Variants in OPHN1 observed in about 807,000 individuals in gnomAD.
The protein encoded by OPHN1 is oligophrenin 1, also known as oligophrenin-1.
In OPHN1, 11 loss-of-function variants were observed where a neutral mutation model predicts 60.7. That is an observed-to-expected ratio of 0.18 (90% confidence interval 0.11 to 0.30). The LOEUF (loss-of-function observed/expected upper bound fraction) is 0.30, where lower values mean the gene tolerates loss of function less well. OPHN1 is among the 10% of genes least tolerant of loss of function. The probability of loss-of-function intolerance (pLI) is 1.00; values close to 1 mark genes in which losing one functional copy is unlikely to be tolerated. For synonymous variants in OPHN1, 226 were observed against 222.6 expected (o/e 1.02, Z -0.14); for missense variants, 449 against 611.0 (o/e 0.73, Z 2.80).
chrX:68,393,888 T>TG (rs2078667580), intron 2 of OPHN1, among the ~76,000 whole-genome samples: 2 of 58,728 alleles, frequency 3.4e-5, no homozygotes, highest in Non-Finnish European at 6.3e-5. Context: ...AGACTTTGTT[T>TG]TTTTTTTTTT....
intron 2 of OPHN1, among the ~76,000 whole-genome samples, chrX:68,378,899 T>C (rs1183726558): frequency 9.0e-6 from 1 of 111,723 alleles, no homozygotes; most frequent in Non-Finnish European, 1.9e-5. Context: ...TTGCTTAGGA[T>C]TGACTTGGCA....
chrX:68,047,635 G>A (rs2076836747), intron 24 of OPHN1, among the ~76,000 whole-genome samples: 1 of 111,329 alleles, frequency 9.0e-6, no homozygotes, highest in African/African-American at 3.3e-5. Context: ...CCAGATACTT[G>A]GATCTCATTT....
rs1438233253 is a variant in OPHN1, at chrX:68,053,634, A to G, written c.2324+11T>C. The G allele has an allele frequency of 5.0e-6, 6 of 1,208,266 alleles. No homozygotes were observed. Among genetic ancestry groups the G allele is most frequent in the South Asian group, 3.5e-5 (2 of 56,537 alleles). On this transcript the variant is annotated intron_variant, in intron 22 of 24. Transcript: ENST00000355520. ...GGACTTCAGTCAACTTTGAGGTACA[A>G]CCCTACTTACACAGATGATGTGATT... is the stretch of plus-strand genomic sequence containing the variant.
intron 2 of OPHN1, among the ~76,000 whole-genome samples, chrX:68,378,129 G>A (rs1602367712): frequency 8.9e-6 from 1 of 112,039 alleles, no homozygotes; most frequent in African/African-American, 3.2e-5. Context: ...CATTCTAACT[G>A]GTGTGAGATG....
chrX:68,320,929 G>A (rs1259616130), intron 2 of OPHN1, among the ~76,000 whole-genome samples: 5 of 111,911 alleles, frequency 4.5e-5, no homozygotes, highest in Non-Finnish European at 7.5e-5. Context: ...AAAGGATACA[G>A]GTGAAGAGAT....
chrX:68,306,013 A>G (rs2078143403), intron 2 of OPHN1, among the ~76,000 whole-genome samples: 1 of 112,192 alleles, frequency 8.9e-6, no homozygotes. Flanking sequence ...AAAACAATGG[A>G]AATAATTTTG....
chrX:68,116,824 C>G (rs1037334520), intron 16 of OPHN1, among the ~76,000 whole-genome samples: 2 of 111,183 alleles, frequency 1.8e-5, no homozygotes, highest in Admixed American at 1.9e-4. Context: ...CTCCCTATCC[C>G]TAATCCTCAT....
chrX:68,044,118 C>G lies in OPHN1; in HGVS notation c.*3054G>C, dbSNP rs1029949360. ...AGAAAGCCTAACTCAGGAATATCTTCCAGCCCAGTTTGCATTTCCATATAA... is the reference window on the plus strand; with the variant it reads ...AGAAAGCCTAACTCAGGAATATCTTGCAGCCCAGTTTGCATTTCCATATAA... On this transcript the variant is annotated 3_prime_UTR_variant, in exon 25 of 25. Transcript: ENST00000355520. 3.6e-5 allele frequency: 4 copies of G among 112,633 alleles called. No individual in the cohort carries two copies. Among genetic ancestry groups the G allele is most frequent in the Admixed American group, 9.4e-5 (1 of 10,652 alleles). The allele number at this position is 112,633 out of a possible 1,213,427, so 9.3% of individuals were successfully genotyped here. A position where few individuals can be genotyped will look rare whatever the true frequency, so the allele number is the denominator to read the frequency against.
intron 15 of OPHN1, among the ~76,000 whole-genome samples, chrX:68,132,692 A>G (rs2077200934): frequency 9.7e-6 from 1 of 102,622 alleles, no homozygotes; most frequent in South Asian, 4.7e-4. Context: ...TAAAACTTAA[A>G]GTATAATTAA....
chrX:68,221,776 T>C (rs1165782756), intron 6 of OPHN1, among the ~76,000 whole-genome samples: 6 of 95,835 alleles, frequency 6.3e-5, no homozygotes, highest in Non-Finnish European at 1.3e-4. Context: ...CAAAAATCAA[T>C]TGAAGATGGA....
intron 6 of OPHN1, among the ~76,000 whole-genome samples, chrX:68,218,260 C>A (rs1446010148): frequency 2.8e-5 from 3 of 107,828 alleles, no homozygotes; most frequent in Non-Finnish European, 5.8e-5. Context: ...GCAAAGCCTC[C>A]AAGAAATATG....
intron 2 of OPHN1, among the ~76,000 whole-genome samples, chrX:68,390,406 C>T (rs752875634): frequency 2.3e-4 from 26 of 110,836 alleles, no homozygotes; most frequent in Non-Finnish European, 4.0e-4. Context: ...TGAGACCAGC[C>T]TAAGAAACAT....
intron 15 of OPHN1, among the ~76,000 whole-genome samples, chrX:68,175,367 G>A (rs1405338127): frequency 9.0e-6 from 1 of 110,896 alleles, no homozygotes; most frequent in Non-Finnish European, 1.9e-5. Context: ...TATGTGTGGT[G>A]GGAAAAATAA....
rs186192590 is a variant in OPHN1 at position 68,300,167 on chromosome X, C to T, written c.155-1071G>A. ...GATTTCTTCTTTCTCTCCCTAGTTT[C>T]ATCATCCTCCTCCATCCTGCATTTT... On this transcript the variant is annotated intron_variant, in intron 2 of 24. Coordinates refer to ENST00000355520, the MANE Select transcript of OPHN1 (RefSeq NM_002547.3). Among the ~76,000 whole-genome samples the T allele has an allele frequency of 6.3e-5, 7 of 111,741 alleles. No homozygotes were observed. In the East Asian group the frequency reaches 2.0e-3, roughly 31 times the overall value.
At chrX:68,311,685 G>A (rs756416445) in intron 2 of OPHN1, among the ~76,000 whole-genome samples, 12 of 111,804 alleles carry the variant, frequency 1.1e-4, no homozygotes, top group African/African-American at 3.2e-4. Flanking sequence ...CGCCCACCTC[G>A]GCCTCCCAAA....
intron 2 of OPHN1, among the ~76,000 whole-genome samples, chrX:68,301,115 C>CA (rs5902624): frequency 0.1 from 11,325 of 110,843 alleles, 1,372 homozygotes; most frequent in African/African-American, 0.35. Flanking sequence ...ATCAAATGAA[C>CA]AAAAAATGAA....
chrX:68,368,310 C>T (rs2078509593), intron 2 of OPHN1, among the ~76,000 whole-genome samples: 1 of 111,083 alleles, frequency 9.0e-6, no homozygotes. Context: ...GCAGAAGGAT[C>T]GCTTGAAGTC....
chrX:68,276,295 C>A (rs906587859), intron 4 of OPHN1, among the ~76,000 whole-genome samples: 1 of 111,489 alleles, frequency 9.0e-6, no homozygotes, highest in Admixed American at 9.5e-5. Flanking sequence ...CGTACTATAA[C>A]CTACCTCCCA....
intron 3 of OPHN1, among the ~76,000 whole-genome samples, chrX:68,287,175 A>AAGAAAGAAAGAAAGAAAGAAAGAAAGAG (rs2078046833): frequency 9.9e-6 from 1 of 100,978 alleles, no homozygotes; most frequent in African/African-American, 3.7e-5. Flanking sequence ...GAAAGAAAGA[A>AAGAAAGAAAGAAAGAAAGAAAGAAAGAG]AGAAAGAAAG....
Sources: allele counts gnomAD v4.1 joint callset (sites outside exome capture counted in the v4.1 genomes callset), GRCh38; gene constraint gnomAD v4.1.1; transcripts MANE v1.5; gene names NCBI Gene and HGNC (gene_info 2026-07-23, HGNC 2026-07-21).